Variants in PIEZO2 observed in about 807,000 individuals in gnomAD.
PIEZO2 encodes piezo type mechanosensitive ion channel component 2, also known as piezo-type mechanosensitive ion channel component 2.
In PIEZO2, 172 loss-of-function variants were observed where a neutral mutation model predicts 337.3. That is an observed-to-expected ratio of 0.51 (90% CI 0.45 to 0.58). The LOEUF (loss-of-function observed/expected upper bound fraction) is 0.58. Ranked by LOEUF, PIEZO2 falls within the 20% of genes least tolerant of loss-of-function variation. PIEZO2 has a pLI of 0.00. For synonymous variants in PIEZO2, 1,251 were observed against 1,228.5 expected, an observed-to-expected ratio of 1.02 and a Z score of -0.38; for missense variants, 3,028 against 3,391.3, an observed-to-expected ratio of 0.89 and a Z score of 2.66.
intron 2 of PIEZO2, among the ~76,000 whole-genome samples, chr18:11,057,993 G>A (rs1218034313): frequency 2.0e-5 from 3 of 152,146 alleles, no homozygotes; most frequent in African/African-American, 7.2e-5. Flanking sequence ...TCCTGTTGAC[G>A]GCACTGAGAG....
At position 11,069,951 on chromosome 18, in the gene PIEZO2, A is replaced by C. The variant is rs1385607444; in HGVS notation, c.65-3729T>G. 6.6e-6 allele frequency among the ~76,000 whole-genome samples: 1 copy of C among 152,252 alleles called. No homozygotes were observed. The highest frequency in any genetic ancestry group is 1.5e-5 in the Non-Finnish European group (1 of 68,034). On this transcript the variant is annotated intron_variant, in intron 1 of 55. Transcript: ENST00000674853. The surrounding 1 kb of genome is among the most constrained non-coding windows in gnomAD (Gnocchi z 4.9). Reference sequence around the variant, plus strand: ...ACAAATAATACTTAGAAATAAATCTAACCAAGGAGGTGAAAGACCTATAAA... The same window carrying C: ...ACAAATAATACTTAGAAATAAATCTCACCAAGGAGGTGAAAGACCTATAAA...
chr18:10,770,076 A>G lies in PIEZO2; in HGVS notation c.2946+72T>C, dbSNP rs923881318. On this transcript the variant is annotated intron_variant, in intron 21 of 55. Coordinates refer to ENST00000674853, the MANE Select transcript of PIEZO2 (RefSeq NM_001378183.1). The stretch of plus-strand genomic sequence containing the variant: ...GCGGATCACATTAAAAAAATCATGG[A>G]CAGCTGGAAAAGGAAAATGATGACC... The G allele has an allele frequency of 6.3e-6, 9 of 1,428,648 alleles. No homozygotes were observed. In the African/African-American group the frequency reaches 1.3e-4, roughly 20 times the overall value. 88.5% of individuals were successfully genotyped at this position (1,428,648 alleles called of 1,614,324 possible). A position where few individuals can be genotyped will look rare whatever the true frequency, so the allele number is the denominator to read the frequency against.
At chr18:10,806,447 A>G (rs1429643191) in intron 8 of PIEZO2, among the ~76,000 whole-genome samples, 1 of 152,158 alleles carries the variant, frequency 6.6e-6, no homozygotes, top group Non-Finnish European at 1.5e-5. Context: ...CCCCTCAGAA[A>G]TGCTGTGTCC....
chr18:10,997,373 TAAAC>T (rs2035364948), intron 2 of PIEZO2, among the ~76,000 whole-genome samples: 1 of 152,100 alleles, frequency 6.6e-6, no homozygotes, highest in Non-Finnish European at 1.5e-5. Flanking sequence ...AATTATTTGA[TAAAC>T]AAAGAACCAG....
At chr18:11,119,786 C>G (rs1034602901) in intron 1 of PIEZO2, among the ~76,000 whole-genome samples, 18 of 152,162 alleles carry the variant, frequency 1.2e-4, no homozygotes, top group Admixed American at 4.6e-4. Context: ...GCGACTGTTG[C>G]AAAATAGCTT....
chr18:10,691,485 C>A (rs768446983), intron 47 of PIEZO2, 102 bp from the exon 48 acceptor site: 2 of 1,220,336 alleles, frequency 1.6e-6, no homozygotes, highest in Non-Finnish European at 2.3e-6. Flanking sequence ...ATTTCCCCTT[C>A]ATCATTCCAA....
intron 17 of PIEZO2, among the ~76,000 whole-genome samples, chr18:10,780,771 T>C (rs2038954544): frequency 6.6e-6 from 1 of 151,318 alleles, no homozygotes; most frequent in Non-Finnish European, 1.5e-5. Context: ...CAAGTGATTC[T>C]CCTGCCTTAG....
intron 3 of PIEZO2, among the ~76,000 whole-genome samples, chr18:10,972,963 G>A (rs2034301882): frequency 6.6e-6 from 1 of 152,050 alleles, no homozygotes; most frequent in Admixed American, 6.6e-5. Flanking sequence ...TGACAGTTGA[G>A]GAAACTGAGG....
At position 10,726,413 on chromosome 18, in the gene PIEZO2, C is replaced by T; in HGVS notation, c.5029+4994G>A. 1 of 1,529,392 alleles carries T rather than the reference C, an allele frequency of 6.5e-7. No homozygotes were observed. Among genetic ancestry groups the T allele is most frequent in the Non-Finnish European group, 8.7e-7 (1 of 1,144,794 alleles). 94.7% of individuals were successfully genotyped at this position (1,529,392 alleles called of 1,614,324 possible). A position where few individuals can be genotyped will look rare whatever the true frequency, so the allele number is the denominator to read the frequency against. On this transcript the variant is annotated intron_variant, in intron 36 of 55. Coordinates refer to ENST00000674853, the MANE Select transcript of PIEZO2 (RefSeq NM_001378183.1). This position sits in a 1 kb window ranked among gnomAD's most constrained non-coding sequence, Gnocchi z 5.9. Reference sequence around the variant, plus strand: ...GTAACAACGCGCGCCAGCCGTGGCACAACGCGGAGGGCCGGCTGCGGTACG... The same window carrying T: ...GTAACAACGCGCGCCAGCCGTGGCATAACGCGGAGGGCCGGCTGCGGTACG...
chr18:10,757,172 G>A (rs2037902477), intron 27 of PIEZO2, among the ~76,000 whole-genome samples: 1 of 150,084 alleles, frequency 6.7e-6, no homozygotes. Flanking sequence ...TAAGCTATGT[G>A]GATACGAATG....
At chr18:10,930,646 T>C (rs536279327) in intron 3 of PIEZO2, among the ~76,000 whole-genome samples, 11 of 152,256 alleles carry the variant, frequency 7.2e-5, no homozygotes, top group Non-Finnish European at 1.3e-4. Flanking sequence ...CTATTTCAGA[T>C]ACTTTTTGGT....
chr18:10,704,084 C>A (rs2035459111), intron 42 of PIEZO2, among the ~76,000 whole-genome samples: 1 of 152,166 alleles, frequency 6.6e-6, no homozygotes, highest in Non-Finnish European at 1.5e-5. Context: ...CCACCCCTCA[C>A]CAGTTGGGCA....
At chr18:10,718,174 G>A in intron 37 of PIEZO2, 26 bp downstream of exon 37, 1 of 1,523,518 alleles carries the variant, frequency 6.6e-7, no homozygotes, top group Non-Finnish European at 8.8e-7. Flanking sequence ...AGTTCCCACA[G>A]CTCATATTTG....
At chr18:11,034,200 T>C (rs1269031066) in intron 2 of PIEZO2, among the ~76,000 whole-genome samples, 1 of 152,180 alleles carries the variant, frequency 6.6e-6, no homozygotes, top group Non-Finnish European at 1.5e-5. Context: ...ATTTACTCCA[T>C]TCTGACTGAA....
intron 14 of PIEZO2, among the ~76,000 whole-genome samples, chr18:10,789,893 T>A (rs12958571): frequency 0.062 from 9,396 of 152,270 alleles, 312 homozygotes; most frequent in African/African-American, 0.083. Context: ...AACAATTTAA[T>A]GGATCAAAAT....
Position 11,094,407 on chromosome 18 carries a change from T to C in PIEZO2, c.65-28185A>G, listed in dbSNP as rs1297151479. On this transcript the variant is annotated intron_variant, in intron 1 of 55. Transcript: ENST00000674853. The surrounding 1 kb of genome is among the most constrained non-coding windows in gnomAD (Gnocchi z 4.4). ...GGGCTTTGAGTCAAGTTAACGACTT[T>C]TCCACCATTTTACAGCTGCCTTCAT... Among the ~76,000 whole-genome samples, 2 of 152,180 alleles carry C rather than the reference T, an allele frequency of 1.3e-5. No homozygotes were observed. Among genetic ancestry groups the C allele is most frequent in the African/African-American group, 4.8e-5 (2 of 41,440 alleles).
At position 10,750,316 on chromosome 18, in the gene PIEZO2, A is replaced by C. The variant is rs113547048; in HGVS notation, c.4168-129T>G. 7.7e-5 allele frequency: 51 copies of C among 666,530 alleles called. No homozygotes were observed. Among genetic ancestry groups the C allele is most frequent in the Non-Finnish European group, 1.3e-4 (50 of 386,198 alleles). 41.3% of individuals were successfully genotyped at this position (666,530 alleles called of 1,614,324 possible). A position where few individuals can be genotyped will look rare whatever the true frequency, so the allele number is the denominator to read the frequency against. On this transcript the variant is annotated intron_variant, in intron 28 of 55. Coordinates refer to ENST00000674853, the MANE Select transcript of PIEZO2 (RefSeq NM_001378183.1). The surrounding 1 kb of genome is among the most constrained non-coding windows in gnomAD (Gnocchi z 4.1). ...AAGGATTCCAGGAGATGCCAATTGT[A>C]CCTAAAAATTCAGTCACCTTGTGGT...
intron 3 of PIEZO2, among the ~76,000 whole-genome samples, chr18:10,971,761 A>G (rs1347826028): frequency 6.6e-6 from 1 of 152,196 alleles, no homozygotes; most frequent in African/African-American, 2.4e-5. Context: ...CTATTCCTCA[A>G]AATCTAATTA....
At position 10,726,052 on chromosome 18, in the gene PIEZO2, T is replaced by C. The variant is rs149382894; in HGVS notation, c.5029+5355A>G. On this transcript the variant is annotated intron_variant, in intron 36 of 55. Coordinates refer to ENST00000674853, the MANE Select transcript of PIEZO2 (RefSeq NM_001378183.1). This position sits in a 1 kb window ranked among gnomAD's most constrained non-coding sequence, Gnocchi z 5.9. ...GCACCCAGGATGTTGGGCAGGGTGGTATATGTATTCTTGTGTCCAGGAGGG... is the reference window on the plus strand; with the variant it reads ...GCACCCAGGATGTTGGGCAGGGTGGCATATGTATTCTTGTGTCCAGGAGGG... 6.2e-3 allele frequency among the ~76,000 whole-genome samples: 943 copies of C among 152,180 alleles called. 7 individuals carry two copies. The highest frequency in any genetic ancestry group is 0.022 in the African/African-American group (894 of 41,520).
Sources: allele counts gnomAD v4.1 joint callset (sites outside exome capture counted in the v4.1 genomes callset), GRCh38; gene constraint gnomAD v4.1.1; non-coding constraint Gnocchi (gnomAD v3.1); transcripts MANE v1.5; gene names NCBI Gene and HGNC (gene_info 2026-07-23, HGNC 2026-07-21).